CACNA2D3: variants seen among roughly 807,000 people sequenced by gnomAD.
CACNA2D3 encodes the protein calcium voltage-gated channel auxiliary subunit alpha2delta 3, also known as voltage-dependent calcium channel subunit alpha-2/delta-3.
A neutral mutation model predicts 160.6 loss-of-function variants in CACNA2D3; 60 were observed. The ratio of observed to expected loss-of-function variants is 0.37; its 90% CI spans 0.30 to 0.46. CACNA2D3 has a LOEUF of 0.46. Among genes scored for constraint, CACNA2D3 ranks in the 20% least tolerant of loss-of-function variants. The probability of loss-of-function intolerance (pLI) is 1.00; values close to 1 mark genes in which losing one functional copy is unlikely to be tolerated. For synonymous variants in CACNA2D3, 558 were observed against 492.9 expected (o/e 1.13, Z -1.75); for missense variants, 1,205 against 1,365.0 (o/e 0.88, Z 1.85).
intron 11 of CACNA2D3, among the ~76,000 whole-genome samples, chr3:54,708,162 A>G (rs1001843279): frequency 6.6e-6 from 1 of 152,224 alleles, no homozygotes; most frequent in Non-Finnish European, 1.5e-5. Context: ...ATCAAAGAAC[A>G]TATAAAACCA....
intron 4 of CACNA2D3, among the ~76,000 whole-genome samples, chr3:54,404,205 G>T (rs1245098499): frequency 6.6e-6 from 1 of 152,084 alleles, no homozygotes; most frequent in Non-Finnish European, 1.5e-5. Context: ...CGTCAGGTCA[G>T]TATCAATATC....
At chr3:54,993,360 T>G (rs549330623) in intron 31 of CACNA2D3, among the ~76,000 whole-genome samples, 8 of 152,344 alleles carry the variant, frequency 5.3e-5, no homozygotes, top group African/African-American at 1.9e-4. Context: ...TCCACCCTTT[T>G]CCAATTCCTC....
intron 9 of CACNA2D3, among the ~76,000 whole-genome samples, chr3:54,586,612 G>A (rs909574437): frequency 2.0e-5 from 3 of 152,090 alleles, no homozygotes; most frequent in Non-Finnish European, 2.9e-5. Flanking sequence ...CCAGTTGATA[G>A]GCTACTGTAC....
intron 31 of CACNA2D3, 127 bp downstream of exon 31, chr3:54,987,880 A>G (rs1481922532): frequency 8.2e-6 from 5 of 610,744 alleles, no homozygotes; most frequent in African/African-American, 1.9e-5. Flanking sequence ...TTCATGCTCC[A>G]AAAGATCTCT....
chr3:54,155,121 CT>C (rs1369051618), intron 2 of CACNA2D3, among the ~76,000 whole-genome samples: 2 of 152,186 alleles, frequency 1.3e-5, no homozygotes. Context: ...TGTCCTCTCT[CT>C]GTAAAATGGA....
intron 5 of CACNA2D3, among the ~76,000 whole-genome samples, chr3:54,543,507 G>A (rs1441089361): frequency 2.0e-5 from 3 of 152,184 alleles, no homozygotes; most frequent in Admixed American, 6.5e-5. Context: ...CCTCCAAAAA[G>A]AGCTGTATGT....
chr3:54,576,180 G>A (rs1419441576), intron 8 of CACNA2D3, among the ~76,000 whole-genome samples: 4 of 152,142 alleles, frequency 2.6e-5, no homozygotes, highest in Non-Finnish European at 5.9e-5. Flanking sequence ...CCTTCTGTTA[G>A]GCCTGAAAGC....
intron 4 of CACNA2D3, among the ~76,000 whole-genome samples, chr3:54,387,293 A>G (rs1467106721): frequency 1.3e-5 from 2 of 152,224 alleles, no homozygotes; most frequent in Admixed American, 6.5e-5. Flanking sequence ...TGTCTGATAG[A>G]GAAGGATTTT....
intron 27 of CACNA2D3, among the ~76,000 whole-genome samples, chr3:54,960,089 A>C (rs1001448644): frequency 2.6e-5 from 4 of 152,166 alleles, no homozygotes; most frequent in African/African-American, 9.7e-5. Flanking sequence ...AAAAAAAAAA[A>C]AAACCAAAGT....
intron 16 of CACNA2D3, among the ~76,000 whole-genome samples, chr3:54,840,127 C>T (rs566509775): frequency 6.6e-6 from 1 of 152,172 alleles, no homozygotes; most frequent in South Asian, 2.1e-4. Flanking sequence ...TCTTATTTCA[C>T]ATGAGGAGAT....
intron 11 of CACNA2D3, among the ~76,000 whole-genome samples, chr3:54,730,614 T>G (rs539494176): frequency 2.6e-5 from 4 of 152,170 alleles, no homozygotes; most frequent in Non-Finnish European, 5.9e-5. Flanking sequence ...GCAATTCTCC[T>G]GTCTCCACCT....
chr3:54,274,925 C>T (rs537187425), intron 2 of CACNA2D3, among the ~76,000 whole-genome samples: 1 of 152,340 alleles, frequency 6.6e-6, no homozygotes, highest in African/African-American at 2.4e-5. Flanking sequence ...GACATTGCTT[C>T]ACTTCTGTCA....
intron 26 of CACNA2D3, 140 bp downstream of exon 26, chr3:54,897,010 C>T: frequency 9.7e-7 from 1 of 1,026,776 alleles, no homozygotes; most frequent in South Asian, 1.5e-5. Flanking sequence ...ATTGGGTCAG[C>T]CCTGAACCAG....
rs185142238 is a variant in CACNA2D3 at position 54,683,667 on chromosome 3, A to G, written c.1167+41426A>G. On this transcript the variant is annotated intron_variant, in intron 11 of 37. Coordinates refer to ENST00000474759, the MANE Select transcript of CACNA2D3 (RefSeq NM_018398.3). The stretch of plus-strand genomic sequence containing the variant: ...CCCTTCTTCCTTTCTTAGGAGAACT[A>G]TTGCCATCAATACTATGTTTCTCAG... Among the ~76,000 whole-genome samples, 6 of 152,272 alleles carry G rather than the reference A, an allele frequency of 3.9e-5. No individual in the cohort carries two copies. The East Asian group carries it at 1.2e-3, about 29-fold the overall frequency.
At chr3:54,638,470 G>C (rs1448806709) in intron 10 of CACNA2D3, 1 of 151,960 alleles carries the variant, frequency 6.6e-6, no homozygotes, top group East Asian at 1.9e-4. Context: ...GTGATAAAAA[G>C]ATTATAGGGT....
chr3:54,994,674 A>G (rs1393462608), intron 31 of CACNA2D3, among the ~76,000 whole-genome samples: 1 of 152,216 alleles, frequency 6.6e-6, no homozygotes. Flanking sequence ...GTTAACATGC[A>G]TTACCTTAAT....
intron 3 of CACNA2D3, among the ~76,000 whole-genome samples, chr3:54,383,128 C>T (rs542057798): frequency 5.9e-5 from 9 of 152,300 alleles, no homozygotes; most frequent in Non-Finnish European, 7.4e-5. Flanking sequence ...GATTATACCA[C>T]ACCCAGCCTG....
chr3:54,508,111 T>G (rs913728398), intron 5 of CACNA2D3, among the ~76,000 whole-genome samples: 98 of 152,188 alleles, frequency 6.4e-4, no homozygotes, highest in African/African-American at 2.2e-3. Flanking sequence ...TGGGGCAAGT[T>G]GGGCAGATCC....
chr3:54,424,884 G>C (rs541282944), intron 4 of CACNA2D3, among the ~76,000 whole-genome samples: 1 of 152,124 alleles, frequency 6.6e-6, no homozygotes, highest in South Asian at 2.1e-4. Flanking sequence ...AAATCTTTCC[G>C]ATTACCACGT....
Sources: gnomAD v4.1 joint callset for allele counts (sites outside exome capture counted in the v4.1 genomes callset) on GRCh38, gnomAD v4.1.1 for gene constraint, MANE v1.5 for transcripts, NCBI Gene and HGNC (gene_info 2026-07-23, HGNC 2026-07-21) for gene names.